The following RBM28 variants were observed in gnomAD, a reference collection of about 807,000 sequenced individuals.
RBM28 encodes RNA binding motif protein 28.
In RBM28, 78 loss-of-function variants were observed where a neutral mutation model predicts 98.3. The ratio of observed to expected loss-of-function variants is 0.79; its 90% CI spans 0.66 to 0.96. The LOEUF is 0.96. RBM28 is among the 40% of genes least tolerant of loss of function. The pLI is 0.00. For synonymous variants in RBM28, 306 were observed against 330.9 expected, an observed-to-expected ratio of 0.92 and a Z score of 0.82; for missense variants, 838 against 913.0, an observed-to-expected ratio of 0.92 and a Z score of 1.06.
At chr7:128,332,557 G>A (rs2116372987) in intron 9 of RBM28, among the ~76,000 whole-genome samples, 1 of 152,206 alleles carries the variant, frequency 6.6e-6, no homozygotes, top group African/African-American at 2.4e-5. Context: ...GTTTCACCAT[G>A]TTGGCCAGGC....
Position 128,314,827 on chromosome 7 carries a change from A to T in RBM28, c.1982T>A (p.Leu661Gln). ...CTTTCTTCTCTTCTTTCCATCAGGC[A>T]GCTCCACCTGCTCCACTTCAGCCTT... Reference protein sequence around the residue: ...QTKAEVEQVELPDGKKRRKVL... With the variant: ...QTKAEVEQVEQPDGKKRRKVL... The change falls in exon 17 of 19, where the codon CTG (leucine) becomes CAG (glutamine). Residue 661 changes from leucine to glutamine, a missense_variant. Physicochemically the swap from Leu to Gln is moderately radical, Grantham distance 113. Transcript: ENST00000223073. 6.2e-7 allele frequency: 1 copy of T among 1,614,142 alleles called. No homozygotes were observed. The highest frequency in any genetic ancestry group is 8.5e-7 in the Non-Finnish European group (1 of 1,180,024).
intron 11 of RBM28, 72 bp downstream of exon 11, chr7:128,325,746 T>A (rs1796335020): frequency 2.0e-6 from 2 of 1,009,794 alleles, no homozygotes. Flanking sequence ...AAGCTTTGTA[T>A]AAATACCAGA....
chr7:128,330,789 T>G, intron 10 of RBM28, 30 bp downstream of exon 10: 3 of 1,531,290 alleles, frequency 2.0e-6, no homozygotes, highest in Non-Finnish European at 2.7e-6. Context: ...TCTCAACCCT[T>G]TTAGGGCCTG....
At chr7:128,316,381 T>C (rs1218311234) in intron 16 of RBM28, among the ~76,000 whole-genome samples, 1 of 152,198 alleles carries the variant, frequency 6.6e-6, no homozygotes, top group Non-Finnish European at 1.5e-5. Context: ...AGTATGAATA[T>C]AAATCCAGGC....
chr7:128,317,859 C>A, intron 15 of RBM28, 98 bp downstream of exon 15: 1 of 1,567,310 alleles, frequency 6.4e-7, no homozygotes, highest in Non-Finnish European at 8.8e-7. Context: ...CACTGTTTCC[C>A]ACCCCTCAAA....
At position 128,308,289 on chromosome 7, in the gene RBM28, A is replaced by G. The variant is rs1003818178; in HGVS notation, c.*2508T>C. 3 of 152,236 alleles carry G rather than the reference A, an allele frequency of 2.0e-5. No individual in the cohort carries two copies. Among genetic ancestry groups the G allele is most frequent in the African/African-American group, 7.2e-5 (3 of 41,458 alleles). 9.4% of individuals were successfully genotyped at this position (152,236 alleles called of 1,614,324 possible). On this transcript the variant is annotated 3_prime_UTR_variant, in exon 19 of 19. Transcript: ENST00000223073. ...TATTTGGATCTAAGAGAATCTGACA[A>G]TGTTATCTGAATGAACACCAATTTT... is the stretch of plus-strand genomic sequence containing the variant.
rs148752295 is a variant in RBM28 at position 128,338,266 on chromosome 7, G to T, written c.525C>A (p.Asn175Lys). The change falls in exon 5 of 19, where the codon AAC (asparagine) becomes AAA (lysine). Residue 175 changes from asparagine to lysine, a missense_variant. Physicochemically the swap from Asn to Lys is moderately conservative, Grantham distance 94. Transcript: ENST00000223073. The stretch of plus-strand genomic sequence containing the variant: ...AAAGCTTACCTTTTATCTCTTTCAT[G>T]TTCATGCCTTTGAGAGCTTTACCTG... The part of the protein sequence containing the change: ...LEAGKALKGM[N>K]MKEIKGRTVA... 3.7e-6 allele frequency: 6 copies of T among 1,613,858 alleles called. 1 individual carries two copies. The South Asian group carries it at 5.5e-5, about 15-fold the overall frequency.
At chr7:128,323,141 C>A (rs7809696) in intron 13 of RBM28, among the ~76,000 whole-genome samples, 68 of 152,058 alleles carry the variant, frequency 4.5e-4, no homozygotes, top group Admixed American at 1.3e-3. Flanking sequence ...ATATCTTCTC[C>A]CTTCTCTAAT....
rs1584635697 is a variant in RBM28 at position 128,314,855 on chromosome 7, T to C, written c.1954A>G (p.Thr652Ala). ...TCCACCTGCTCCACTTCAGCCTTGGTCTGGAACCCGGTCCATGAGGTAGAG... is the reference window on the plus strand; with the variant it reads ...TCCACCTGCTCCACTTCAGCCTTGGCCTGGAACCCGGTCCATGAGGTAGAG... ...AGSTSWTGFQ[T>A]KAEVEQVELP... The change falls in exon 17 of 19, where the codon ACC (threonine) becomes GCC (alanine). Residue 652 changes from threonine to alanine, a missense_variant. Thr to Ala is a moderately conservative substitution (Grantham distance 58). Transcript: ENST00000223073. 1 of 1,614,202 alleles carries C rather than the reference T, an allele frequency of 6.2e-7. No individual in the cohort carries two copies. Among genetic ancestry groups the C allele is most frequent in the Non-Finnish European group, 8.5e-7 (1 of 1,180,032 alleles).
chr7:128,340,345 A>G (rs1475697391), intron 1 of RBM28, among the ~76,000 whole-genome samples: 1 of 152,132 alleles, frequency 6.6e-6, no homozygotes, highest in Non-Finnish European at 1.5e-5. Flanking sequence ...ATGAGAGTGG[A>G]GCTGGGGGCT....
chr7:128,341,254 C>T, intron 1 of RBM28: 1 of 1,120,302 alleles, frequency 8.9e-7, no homozygotes, highest in South Asian at 1.3e-5. Flanking sequence ...TTTTTCTCTT[C>T]TCTTGAACTC....
Position 128,301,265 on chromosome 7 carries a change from G to C in RBM28, c.*9532C>G, listed in dbSNP as rs6954888. 150,166 of 152,366 alleles carry C rather than the reference G, an allele frequency of 0.99. 74,044 individuals carry two copies. Among genetic ancestry groups the C allele is most frequent in the East Asian group, 1 (5,174 of 5,174 alleles). 9.4% of individuals were successfully genotyped at this position (152,366 alleles called of 1,614,324 possible). A position where few individuals can be genotyped will look rare whatever the true frequency, so the allele number is the denominator to read the frequency against. On this transcript the variant is annotated 3_prime_UTR_variant, in exon 19 of 19. Coordinates refer to ENST00000223073, the MANE Select transcript of RBM28 (RefSeq NM_018077.3). The stretch of plus-strand genomic sequence containing the variant: ...TTTAGTACTAGGGGGCTTTTTGCCT[G>C]TATTTTATAAATGAGCAAAGAGGAC...
chr7:128,333,579 G>A (rs909083081), intron 8 of RBM28, among the ~76,000 whole-genome samples: 7 of 152,258 alleles, frequency 4.6e-5, no homozygotes, highest in Admixed American at 6.5e-5. Flanking sequence ...TTAGCCAGGC[G>A]TGGTAGCAGG....
chr7:128,304,688 G>A lies in RBM28; in HGVS notation c.*6109C>T, dbSNP rs1275000595. 1.3e-5 allele frequency: 2 copies of A among 152,190 alleles called. No homozygotes were observed. The highest frequency in any genetic ancestry group is 2.9e-5 in the Non-Finnish European group (2 of 68,086). 9.4% of individuals were successfully genotyped at this position (152,190 alleles called of 1,614,324 possible). A position where few individuals can be genotyped will look rare whatever the true frequency, so the allele number is the denominator to read the frequency against. On this transcript the variant is annotated 3_prime_UTR_variant, in exon 19 of 19. Coordinates refer to ENST00000223073, the MANE Select transcript of RBM28 (RefSeq NM_018077.3). ...GCTCTGCCTCCAAGAGGTGTTCTTCGCTTTGTGGCATTACCTCTCTGAAGT... is the reference window on the plus strand; with the variant it reads ...GCTCTGCCTCCAAGAGGTGTTCTTCACTTTGTGGCATTACCTCTCTGAAGT...
intron 17 of RBM28, among the ~76,000 whole-genome samples, chr7:128,314,430 T>A (rs1332408278): frequency 6.6e-6 from 1 of 152,254 alleles, no homozygotes; most frequent in Non-Finnish European, 1.5e-5. Flanking sequence ...TTTACTTTTG[T>A]AGAGCACTAA....
intron 5 of RBM28, among the ~76,000 whole-genome samples, chr7:128,337,752 T>C (rs1796633156): frequency 6.6e-6 from 1 of 152,014 alleles, no homozygotes; most frequent in Non-Finnish European, 1.5e-5. Flanking sequence ...GAGACGGGGT[T>C]TCGCCATGTT....
chr7:128,332,677 A>G (rs1303256162), intron 9 of RBM28, among the ~76,000 whole-genome samples: 9 of 152,172 alleles, frequency 5.9e-5, no homozygotes. Flanking sequence ...ATTGTACAAG[A>G]AGATAAAATA....
Position 128,313,246 on chromosome 7 carries a change from C to CG in RBM28, c.2073dup (p.Val692ArgfsTer27). On this transcript the variant is annotated frameshift_variant, in exon 18 of 19. Coordinates refer to ENST00000223073, the MANE Select transcript of RBM28 (RefSeq NM_018077.3). LOFTEE classifies it high-confidence loss of function. ...TGTGGCTTTGGCTTTTTGGGATGGA[C>CG]GGGCTTCACTTTGCCTTTGTCCCGC... 1 of 1,614,090 alleles carries CG rather than the reference C, an allele frequency of 6.2e-7. No individual in the cohort carries two copies. The highest frequency in any genetic ancestry group is 8.5e-7 in the Non-Finnish European group (1 of 1,180,012).
rs775869538 is a variant in RBM28 at position 128,310,815 on chromosome 7, G to T, written c.2262C>A (p.Ser754Arg). 1.2e-6 allele frequency: 2 copies of T among 1,613,968 alleles called. No individual in the cohort carries two copies. Among genetic ancestry groups the T allele is most frequent in the African/African-American group, 1.3e-5 (1 of 74,900 alleles). Reference protein sequence around the residue: ...PSKGAPLAKRSKWFDS With the variant: ...PSKGAPLAKRRKWFDS ...GCCATCATCAACTATCAAACCATTTGCTCCTCTTTGCAAGAGGTGCTCCTT... is the reference window on the plus strand; with the variant it reads ...GCCATCATCAACTATCAAACCATTTTCTCCTCTTTGCAAGAGGTGCTCCTT... The change falls in exon 19 of 19, where the codon AGC becomes AGA. Residue 754 changes from serine (S) to arginine (R), a missense_variant. Transcript: ENST00000223073.
Sources: gnomAD v4.1 joint callset for allele counts (sites outside exome capture counted in the v4.1 genomes callset) on GRCh38, gnomAD v4.1.1 for gene constraint, MANE v1.5 for transcripts, NCBI Gene and HGNC (gene_info 2026-07-23, HGNC 2026-07-21) for gene names.